The following SLC22A5 variants were observed in gnomAD, a reference collection of about 807,000 sequenced individuals.
The protein encoded by SLC22A5 is organic cation/carnitine transporter 2.
SLC22A5 carries 44 observed loss-of-function variants against 56.7 expected under a neutral mutation model. The ratio of observed to expected loss-of-function variants is 0.78; its 90% CI spans 0.61 to 1.00. The LOEUF (loss-of-function observed/expected upper bound fraction) is 1.00, where lower values mean the gene tolerates loss of function less well. SLC22A5 is among the 50% of genes least tolerant of loss of function. The pLI is 0.00. For missense variants in SLC22A5, 675 were observed against 723.0 expected, an observed-to-expected ratio of 0.93 and a Z score of 0.76; for synonymous variants, 278 against 292.1, an observed-to-expected ratio of 0.95 and a Z score of 0.49.
intron 6 of SLC22A5, 41 bp downstream of exon 6, chr5:132,389,062 T>G (rs759708463): frequency 1.5e-6 from 2 of 1,343,770 alleles, no homozygotes; most frequent in Non-Finnish European, 2.1e-6. Context: ...AGACAAAGCT[T>G]CTTGAAGTGG....
In SLC22A5 at chr5:132,370,146, G is replaced by C; in HGVS notation, c.174G>C (p.Leu58=). The change falls in exon 1 of 10, where the codon CTG becomes CTC. Residue 58 remains leucine, a synonymous_variant. Coordinates refer to ENST00000245407, the MANE Select transcript of SLC22A5 (RefSeq NM_003060.4). ...HRCRVPDAAN[L]SSAWRNHTVP... ...GCCGGGTGCCGGACGCCGCGAACCT[G>C]AGCAGCGCCTGGCGCAACCACACTG... 6.2e-7 allele frequency: 1 copy of C among 1,609,516 alleles called. No individual in the cohort carries two copies. The highest frequency in any genetic ancestry group is 8.5e-7 in the Non-Finnish European group (1 of 1,178,426).
intron 1 of SLC22A5, among the ~76,000 whole-genome samples, chr5:132,372,550 C>T (rs1751971690): frequency 6.6e-6 from 1 of 152,134 alleles, no homozygotes; most frequent in Non-Finnish European, 1.5e-5. Flanking sequence ...GGGGGTCTGA[C>T]CTTATCTTGC....
At chr5:132,386,879 A>C in intron 4 of SLC22A5, 146 bp from the exon 5 acceptor site, 1 of 857,974 alleles carries the variant, frequency 1.2e-6, no homozygotes, top group Admixed American at 1.7e-5. Context: ...CGTGTGGATC[A>C]GCTCTTTGCT....
In SLC22A5 at chr5:132,393,707, C is replaced by G; in HGVS notation, c.1482C>G (p.Leu494=). Residue 494 remains leucine (L), a synonymous_variant, in exon 9 of 10, where the codon CTC becomes CTG. Transcript: ENST00000245407. The part of the protein sequence containing the change: ...GAYDRFLPYI[L]MGSLTILTAI... Reference sequence around the variant, plus strand: ...ACGACCGCTTCCTGCCCTACATTCTCATGGGAAGTCTGACCATCCTGACAG... The same window carrying G: ...ACGACCGCTTCCTGCCCTACATTCTGATGGGAAGTCTGACCATCCTGACAG... The G allele has an allele frequency of 6.2e-7, 1 of 1,614,190 alleles. No homozygotes were observed. Among genetic ancestry groups the G allele is most frequent in the Non-Finnish European group, 8.5e-7 (1 of 1,180,018 alleles).
At chr5:132,387,184 A>G (rs375852959) in intron 5 of SLC22A5, 33 bp downstream of exon 5, 64 of 1,613,486 alleles carry the variant, frequency 4.0e-5, no homozygotes, top group South Asian at 8.8e-5. Context: ...TGAGAGGGAC[A>G]GACTGACCGT....
chr5:132,386,080 TA>T (rs1752514460), intron 4 of SLC22A5, among the ~76,000 whole-genome samples: 1 of 151,800 alleles, frequency 6.6e-6, no homozygotes, highest in African/African-American at 2.4e-5. Context: ...AGTGGGAGAG[TA>T]AGCCGCACAT....
Position 132,387,064 on chromosome 5 carries a change from A to G in SLC22A5, c.864A>G (p.Gly288=), listed in dbSNP as rs1416528354. Reference sequence around the variant, plus strand: ...CCCCCCGATGGCTCATCTCTCAGGGACGATTTGAAGAGGCAGAGGTGATCA... The same window carrying G: ...CCCCCCGATGGCTCATCTCTCAGGGGCGATTTGAAGAGGCAGAGGTGATCA... ...PESPRWLISQ[G]RFEEAEVIIR... Residue 288 remains glycine (G), a synonymous_variant, in exon 5 of 10, where the codon GGA becomes GGG. Transcript: ENST00000245407. The G allele has an allele frequency of 1.2e-6, 2 of 1,614,066 alleles. No individual in the cohort carries two copies. Among genetic ancestry groups the G allele is most frequent in the Admixed American group, 3.3e-5 (2 of 60,010 alleles).
chr5:132,385,242 C>A, intron 3 of SLC22A5, 86 bp from the exon 4 acceptor site: 1 of 1,196,432 alleles, frequency 8.4e-7, no homozygotes, highest in Non-Finnish European at 1.2e-6. Context: ...GTTTTCTTGT[C>A]TGTGTATTCA....
chr5:132,378,034 C>T (rs1752207427), intron 1 of SLC22A5: 7 of 1,456,916 alleles, frequency 4.8e-6, no homozygotes, highest in Non-Finnish European at 5.5e-6. Context: ...GCGAGGGTGC[C>T]CTGCCTCTTC....
chr5:132,370,028 G>T lies in SLC22A5; in HGVS notation c.56G>T (p.Arg19Leu). Residue 19 changes from arginine to leucine, a missense_variant, in exon 1 of 10, where the codon CGC (arginine) becomes CTC (leucine). Physicochemically the swap from Arg to Leu is moderately radical, Grantham distance 102 (BLOSUM62 -2). Coordinates refer to ENST00000245407, the MANE Select transcript of SLC22A5 (RefSeq NM_003060.4). ...CTGGGCGAGTGGGGGCCCTTCCAGC[G>T]CCTCATCTTCTTCCTGCTCAGCGCC... ...AFLGEWGPFQ[R>L]LIFFLLSASI... is the part of the protein sequence containing the mutation. 2 of 1,613,398 alleles carry T rather than the reference G, an allele frequency of 1.2e-6. No homozygotes were observed. Among genetic ancestry groups the T allele is most frequent in the Non-Finnish European group, 1.7e-6 (2 of 1,179,718 alleles).
rs765954398 is a variant in SLC22A5 at position 132,385,499 on chromosome 5, G to A, written c.824G>A (p.Trp275Ter). ...GGGGTGCTATGCGTGGCACTCTGGT[G>A]GTGAGTGTGACCTTGTGCCCCATGT... ...MPGVLCVALW[W>*]FIPESPRWLI... Residue 275 changes from tryptophan to a stop codon, truncating the protein, a stop_gained and splice_region_variant, in exon 4 of 10, where the codon TGG becomes TAG. Transcript: ENST00000245407. LOFTEE classifies it high-confidence loss of function. 5 of 1,614,034 alleles carry A rather than the reference G, an allele frequency of 3.1e-6. No individual in the cohort carries two copies. In the South Asian group the frequency reaches 4.4e-5, roughly 14 times the overall value.
intron 2 of SLC22A5, chr5:132,382,379 C>G (rs959386692): frequency 6.6e-6 from 1 of 151,258 alleles, no homozygotes; most frequent in African/African-American, 2.4e-5. Context: ...CCCACCCACC[C>G]CAACCCACCC....
chr5:132,394,244 C>A lies in SLC22A5; in HGVS notation c.1646C>A (p.Pro549His). 1 of 1,613,070 alleles carries A rather than the reference C, an allele frequency of 6.2e-7. No individual in the cohort carries two copies. The highest frequency in any genetic ancestry group is 2.2e-5 in the East Asian group (1 of 44,884). Reference sequence around the variant, plus strand: ...ATGTTAAAAGATGGTCAAGAAAGGCCCACAATCCTTAAAAGCACAGCCTTC... The same window carrying A: ...ATGTTAAAAGATGGTCAAGAAAGGCACACAATCCTTAAAAGCACAGCCTTC... ...TRMLKDGQER[P>H]TILKSTAF Residue 549 changes from proline (P) to histidine (H), a missense_variant, in exon 10 of 10, where the codon CCC (proline) becomes CAC (histidine). Physicochemically the swap from Pro to His is moderately conservative, Grantham distance 77. Transcript: ENST00000245407.
chr5:132,371,075 G>T (rs1186102231), intron 1 of SLC22A5, among the ~76,000 whole-genome samples: 4 of 151,224 alleles, frequency 2.6e-5, no homozygotes, highest in African/African-American at 9.7e-5. Flanking sequence ...CGCCTTCCGG[G>T]CTCAAGTGAT....
chr5:132,386,501 G>A (rs1457888008), intron 4 of SLC22A5, among the ~76,000 whole-genome samples: 1 of 152,200 alleles, frequency 6.6e-6, no homozygotes, highest in Non-Finnish European at 1.5e-5. Context: ...AAAGTGCTGG[G>A]ATTATAGGAG....
At chr5:132,383,232 T>C (rs1353711585) in intron 2 of SLC22A5, 1 of 152,216 alleles carries the variant, frequency 6.6e-6, no homozygotes, top group Non-Finnish European at 1.5e-5. Flanking sequence ...TCCTTGTGAG[T>C]TTTTTTAGTT....
chr5:132,390,386 G>T (rs1367146545), intron 6 of SLC22A5: 1 of 432,576 alleles, frequency 2.3e-6, no homozygotes, highest in East Asian at 5.0e-5. Flanking sequence ...CTGAAAGGCA[G>T]GTTGGAATTT....
chr5:132,390,975 T>A, intron 7 of SLC22A5, 71 bp downstream of exon 7: 1 of 1,248,174 alleles, frequency 8.0e-7, no homozygotes, highest in Non-Finnish European at 1.2e-6. Context: ...CTGTCTCAAT[T>A]AATAAAGAGA....
chr5:132,369,963 T>TG lies in SLC22A5; in HGVS notation c.-9dup. The TG allele has an allele frequency of 6.2e-7, 1 of 1,612,500 alleles. No homozygotes were observed. ...CCCCAGGCCGCGCTCTGTGGGCCTCTGAGGGCGGCATGCGGGACTACGACG... is the reference window on the plus strand; with the variant it reads ...CCCCAGGCCGCGCTCTGTGGGCCTCTGGAGGGCGGCATGCGGGACTACGACG... On this transcript the variant is annotated 5_prime_UTR_variant, in exon 1 of 10. Coordinates refer to ENST00000245407, the MANE Select transcript of SLC22A5 (RefSeq NM_003060.4).
Sources: allele counts gnomAD v4.1 joint callset (sites outside exome capture counted in the v4.1 genomes callset), GRCh38; gene constraint gnomAD v4.1.1; transcripts MANE v1.5; gene names NCBI Gene and HGNC (gene_info 2026-07-23, HGNC 2026-07-21).